The following SORCS1 variants were observed in gnomAD, a reference collection of about 807,000 sequenced individuals.
SORCS1 encodes the protein sortilin related VPS10 domain containing receptor 1.
A neutral mutation model predicts 146.1 loss-of-function variants in SORCS1; 60 were observed. The ratio of observed to expected loss-of-function variants is 0.41; its 90% CI spans 0.33 to 0.51. The LOEUF (loss-of-function observed/expected upper bound fraction) is 0.51. SORCS1 is among the 20% of genes least tolerant of loss of function. SORCS1 has a pLI of 0.21. For missense variants in SORCS1, 1,352 were observed against 1,487.6 expected, an observed-to-expected ratio of 0.91 and a Z score of 1.50; for synonymous variants, 637 against 584.0, an observed-to-expected ratio of 1.09 and a Z score of -1.31.
intron 17 of SORCS1, among the ~76,000 whole-genome samples, chr10:106,656,407 C>T (rs555090998): frequency 7.0e-4 from 106 of 152,176 alleles, no homozygotes; most frequent in Non-Finnish European, 1.2e-3. Context: ...AAAAATTAGC[C>T]GGGCTTGCTG....
chr10:107,023,356 T>C (rs1589953816), intron 1 of SORCS1, among the ~76,000 whole-genome samples: 1 of 152,214 alleles, frequency 6.6e-6, no homozygotes, highest in African/African-American at 2.4e-5. Context: ...CTTTCATTTT[T>C]CTGCCACTCT....
At chr10:106,884,090 T>G (rs1950907807) in intron 2 of SORCS1, among the ~76,000 whole-genome samples, 2 of 152,312 alleles carry the variant, frequency 1.3e-5, no homozygotes, top group South Asian at 4.1e-4. Flanking sequence ...CTGTAAAAAC[T>G]TACTCTGTCT....
chr10:106,998,759 A>T (rs1378423309), intron 1 of SORCS1, among the ~76,000 whole-genome samples: 1 of 152,186 alleles, frequency 6.6e-6, no homozygotes, highest in Admixed American at 6.5e-5. Context: ...ATTTTAAAAA[A>T]CTGGTGGTTA....
intron 1 of SORCS1, among the ~76,000 whole-genome samples, chr10:107,024,353 G>C (rs566303781): frequency 1.3e-4 from 20 of 151,990 alleles, no homozygotes; most frequent in Non-Finnish European, 2.5e-4. Flanking sequence ...GTGAGAGAGT[G>C]AGAAGAGAGT....
At chr10:106,962,960 C>A (rs1955310982) in intron 1 of SORCS1, among the ~76,000 whole-genome samples, 1 of 152,088 alleles carries the variant, frequency 6.6e-6, no homozygotes, top group Admixed American at 6.5e-5. Context: ...CAGCAGCTTG[C>A]TGGAGACCAA....
rs187539266 is a variant in SORCS1 at position 106,957,594 on chromosome 10, C to T, written c.559-1014G>A. Among the ~76,000 whole-genome samples the T allele has an allele frequency of 1.4e-3, 210 of 152,180 alleles. 2 individuals carry two copies. Among genetic ancestry groups the T allele is most frequent in the Non-Finnish European group, 9.3e-4 (63 of 68,000 alleles). On this transcript the variant is annotated intron_variant, in intron 1 of 25. Coordinates refer to ENST00000263054, the MANE Select transcript of SORCS1 (RefSeq NM_052918.5). Reference sequence around the variant, plus strand: ...TAGAAGCCACATTGGCAGGGCTAAACGACAGCATTTTAACGAGCAAATCTA... The same window carrying T: ...TAGAAGCCACATTGGCAGGGCTAAATGACAGCATTTTAACGAGCAAATCTA...
At chr10:106,681,529 T>A (rs1173898468) in intron 10 of SORCS1, among the ~76,000 whole-genome samples, 1 of 152,208 alleles carries the variant, frequency 6.6e-6, no homozygotes, top group Non-Finnish European at 1.5e-5. Flanking sequence ...ATGAAAGATA[T>A]CACTTTACTA....
At chr10:106,877,483 T>G (rs556652726) in intron 2 of SORCS1, among the ~76,000 whole-genome samples, 7 of 152,128 alleles carry the variant, frequency 4.6e-5, no homozygotes, top group African/African-American at 1.7e-4. Flanking sequence ...CAGTGAGTTA[T>G]GATTGTGTCA....
intron 3 of SORCS1, among the ~76,000 whole-genome samples, chr10:106,787,756 T>C (rs1946122094): frequency 1.3e-5 from 2 of 152,236 alleles, no homozygotes; most frequent in African/African-American, 4.8e-5. Flanking sequence ...CCACAATTGC[T>C]TATAGGCAAG....
rs74550961 is a variant in SORCS1 at position 106,622,512 on chromosome 10, C to T, written c.2663-1951G>A. Among the ~76,000 whole-genome samples the T allele has an allele frequency of 2.9e-3, 440 of 152,164 alleles. 2 individuals carry two copies. Among genetic ancestry groups the T allele is most frequent in the African/African-American group, 0.01 (426 of 41,514 alleles). On this transcript the variant is annotated intron_variant, in intron 19 of 25. Coordinates refer to ENST00000263054, the MANE Select transcript of SORCS1 (RefSeq NM_052918.5). ...GGGTAAAACAAATGATATAACTTCC[C>T]ATGTCCGTCTTTGTGCATGCTACTC...
intron 2 of SORCS1, among the ~76,000 whole-genome samples, chr10:106,911,015 T>C (rs1372902585): frequency 2.0e-5 from 3 of 152,238 alleles, no homozygotes; most frequent in Admixed American, 6.5e-5. Context: ...CTAGGTCTTA[T>C]ATATTTCTGA....
intron 6 of SORCS1, among the ~76,000 whole-genome samples, chr10:106,728,281 T>C (rs1035902151): frequency 2.7e-5 from 4 of 146,864 alleles, no homozygotes; most frequent in South Asian, 2.3e-4. Context: ...TTTTAAACAA[T>C]GATGTGTTTA....
chr10:107,114,252 G>T (rs1046277453), intron 1 of SORCS1, among the ~76,000 whole-genome samples: 1 of 152,070 alleles, frequency 6.6e-6, no homozygotes. Context: ...AAAGAGGAGA[G>T]GACATCTCCA....
intron 18 of SORCS1, among the ~76,000 whole-genome samples, chr10:106,639,882 G>A (rs1427582297): frequency 2.6e-5 from 4 of 152,196 alleles, no homozygotes; most frequent in Middle Eastern, 6.8e-3. Flanking sequence ...CCTGGGTGTG[G>A]TGGCACGTGC....
At chr10:106,942,067 G>A (rs1323601436) in intron 2 of SORCS1, among the ~76,000 whole-genome samples, 2 of 152,186 alleles carry the variant, frequency 1.3e-5, no homozygotes, top group East Asian at 3.8e-4. Flanking sequence ...CCTTCTCCTA[G>A]AGAGCTGAGT....
At chr10:106,873,484 C>T (rs1950486564) in intron 2 of SORCS1, among the ~76,000 whole-genome samples, 1 of 152,098 alleles carries the variant, frequency 6.6e-6, no homozygotes, top group Admixed American at 6.6e-5. Flanking sequence ...TCAGAAAACA[C>T]TGTTTGAGGA....
At chr10:107,173,112 G>T in the SORCS1 span, among the ~76,000 whole-genome samples, 1 of 152,172 alleles carries the variant, frequency 6.6e-6, no homozygotes, top group East Asian at 1.9e-4. Flanking sequence ...ATACCTATGT[G>T]CATCCACTCT....
intron 1 of SORCS1, among the ~76,000 whole-genome samples, chr10:107,028,429 G>A (rs1485379140): frequency 6.6e-6 from 1 of 152,258 alleles, no homozygotes; most frequent in South Asian, 2.1e-4. Flanking sequence ...AAGAGCCTCT[G>A]TTTTCTTATC....
At chr10:106,794,501 CTTT>C (rs35647552) in intron 3 of SORCS1, among the ~76,000 whole-genome samples, 10 of 126,048 alleles carry the variant, frequency 7.9e-5, no homozygotes, top group Non-Finnish European at 6.7e-5. Flanking sequence ...TTTTCTTTTT[CTTT>C]TTTTTTTTTT....
Sources: gnomAD v4.1 joint callset for allele counts (sites outside exome capture counted in the v4.1 genomes callset) on GRCh38, gnomAD v4.1.1 for gene constraint, MANE v1.5 for transcripts, NCBI Gene and HGNC (gene_info 2026-07-23, HGNC 2026-07-21) for gene names.